AGBL4: variants seen among roughly 807,000 people sequenced by gnomAD.
AGBL4 encodes AGBL carboxypeptidase 4, also known as cytosolic carboxypeptidase 6.
Under a neutral mutation model 66.4 loss-of-function variants are expected in AGBL4, and 58 were observed. That is an observed-to-expected ratio of 0.87 (90% CI 0.71 to 1.09). AGBL4 has a LOEUF of 1.09. Among genes scored for constraint, AGBL4 ranks in the 50% least tolerant of loss-of-function variants. The pLI, the probability that AGBL4 is intolerant of heterozygous loss-of-function variation, is 0.00. For missense variants in AGBL4, 579 were observed against 631.0 expected (o/e 0.92, Z 0.88); for synonymous variants, 234 against 222.9 (o/e 1.05, Z -0.44).
intron 6 of AGBL4, among the ~76,000 whole-genome samples, chr1:48,854,576 C>T (rs980928966): frequency 6.6e-6 from 1 of 152,176 alleles, no homozygotes; most frequent in East Asian, 1.9e-4. Flanking sequence ...GAGATAGTCA[C>T]TGCAAAATTT....
At chr1:49,533,579 T>G (rs1025634816) in intron 3 of AGBL4, among the ~76,000 whole-genome samples, 1 of 152,170 alleles carries the variant, frequency 6.6e-6, no homozygotes, top group Non-Finnish European at 1.5e-5. Flanking sequence ...TCTGGATTAT[T>G]ATGCCAAGGT....
intron 2 of AGBL4, among the ~76,000 whole-genome samples, chr1:49,735,307 G>A (rs1198545053): frequency 6.7e-6 from 1 of 149,812 alleles, no homozygotes; most frequent in Non-Finnish European, 1.5e-5. Flanking sequence ...GTGTGTGTGT[G>A]TGTGTGTGTG....
intron 2 of AGBL4, among the ~76,000 whole-genome samples, chr1:49,727,735 C>G (rs115010059): frequency 5.3e-5 from 8 of 152,190 alleles, no homozygotes; most frequent in Admixed American, 1.3e-4. Flanking sequence ...TGCTCATTAA[C>G]AGAAAATTTG....
In AGBL4 at chr1:48,736,983, T is replaced by A. The variant is rs1649161499; in HGVS notation, c.635-73742A>T. 2.0e-5 allele frequency among the ~76,000 whole-genome samples: 3 copies of A among 152,072 alleles called. No individual in the cohort carries two copies. Among genetic ancestry groups the A allele is most frequent in the Admixed American group, 2.0e-4 (3 of 15,272 alleles). On this transcript the variant is annotated intron_variant, in intron 6 of 13. Coordinates refer to ENST00000371839, the MANE Select transcript of AGBL4 (RefSeq NM_032785.4). The surrounding 1 kb of genome is among the most constrained non-coding windows in gnomAD (Gnocchi z 4.0). Reference sequence around the variant, plus strand: ...TGCACACAGGGGTCACCTAGGGAGCTGTAAAAATCACCAGTGACAGCCAGG... The same window carrying A: ...TGCACACAGGGGTCACCTAGGGAGCAGTAAAAATCACCAGTGACAGCCAGG...
intron 5 of AGBL4, among the ~76,000 whole-genome samples, chr1:48,911,324 T>C (rs1245757092): frequency 6.6e-6 from 1 of 152,046 alleles, no homozygotes; most frequent in Non-Finnish European, 1.5e-5. Context: ...AAATTAGAAA[T>C]CATAAGGACC....
intron 6 of AGBL4, among the ~76,000 whole-genome samples, chr1:48,730,875 CA>C (rs1648012262): frequency 6.6e-6 from 1 of 152,180 alleles, no homozygotes; most frequent in Admixed American, 6.5e-5. Context: ...AGACACTCCA[CA>C]AAAGGTCATT....
intron 11 of AGBL4, among the ~76,000 whole-genome samples, chr1:48,562,910 C>G (rs984190549): frequency 6.6e-6 from 1 of 152,138 alleles, no homozygotes; most frequent in Non-Finnish European, 1.5e-5. Context: ...CCTGGTTGTT[C>G]AGGGTTATGG....
intron 6 of AGBL4, among the ~76,000 whole-genome samples, chr1:48,745,464 A>G (rs4926750): frequency 0.65 from 98,909 of 151,954 alleles, 33,628 homozygotes; most frequent in Non-Finnish European, 0.77. Flanking sequence ...CAGGGGTTGA[A>G]AGAGTCACCT....
chr1:48,589,591 A>G (rs1366628510), intron 10 of AGBL4, among the ~76,000 whole-genome samples: 2 of 152,088 alleles, frequency 1.3e-5, no homozygotes, highest in Non-Finnish European at 2.9e-5. Flanking sequence ...TGCTTTTGCT[A>G]TGAGTTTTTC....
chr1:49,601,688 A>G (rs1291756023), intron 3 of AGBL4, among the ~76,000 whole-genome samples: 1 of 152,232 alleles, frequency 6.6e-6, no homozygotes, highest in Non-Finnish European at 1.5e-5. Flanking sequence ...CCTACACCTT[A>G]TGCAAAAATT....
At chr1:49,554,874 C>G (rs1653285140) in intron 3 of AGBL4, among the ~76,000 whole-genome samples, 1 of 151,970 alleles carries the variant, frequency 6.6e-6, no homozygotes, top group Admixed American at 6.6e-5. Flanking sequence ...GGCGGCGCGT[C>G]TGGAGTTGTT....
chr1:49,401,920 C>A (rs1317093202), intron 3 of AGBL4, among the ~76,000 whole-genome samples: 1 of 151,996 alleles, frequency 6.6e-6, no homozygotes, highest in African/African-American at 2.4e-5. Flanking sequence ...GGTTTTGTGT[C>A]TAGGAATTTA....
intron 5 of AGBL4, among the ~76,000 whole-genome samples, chr1:48,991,703 A>G (rs1479877836): frequency 2.6e-5 from 4 of 151,598 alleles, no homozygotes; most frequent in Admixed American, 2.6e-4. Context: ...CTGACTGTGT[A>G]TTTTCAAATA....
chr1:49,383,147 G>A (rs1644658867), intron 3 of AGBL4, among the ~76,000 whole-genome samples: 1 of 152,228 alleles, frequency 6.6e-6, no homozygotes, highest in South Asian at 2.1e-4. Flanking sequence ...AGAAATTAAA[G>A]ATGAAAAATG....
At chr1:48,867,124 G>T (rs1648175303) in intron 6 of AGBL4, 67 bp downstream of exon 6, 3 of 1,543,366 alleles carry the variant, frequency 1.9e-6, no homozygotes, top group Admixed American at 3.5e-5. Flanking sequence ...ATTGCATTTG[G>T]ATAGGCAACA....
chr1:49,609,342 A>G (rs1193609228), intron 3 of AGBL4, among the ~76,000 whole-genome samples: 1 of 152,178 alleles, frequency 6.6e-6, no homozygotes, highest in Non-Finnish European at 1.5e-5. Flanking sequence ...CCAACAAATA[A>G]TTAAGAGAGA....
intron 3 of AGBL4, among the ~76,000 whole-genome samples, chr1:49,600,673 G>T (rs76804039): frequency 1.3e-5 from 2 of 152,134 alleles, no homozygotes; most frequent in Non-Finnish European, 2.9e-5. Flanking sequence ...TGGTTATTTT[G>T]CCTGTTAGTT....
At chr1:49,412,594 CAAAACAAACA>C (rs1645340028) in intron 3 of AGBL4, among the ~76,000 whole-genome samples, 1 of 152,074 alleles carries the variant, frequency 6.6e-6, no homozygotes, top group African/African-American at 2.4e-5. Flanking sequence ...ACATTCTCCA[CAAAACAAACA>C]AAAACAAACA....
chr1:48,634,687 C>T, intron 8 of AGBL4, 83 bp from the exon 9 acceptor site: 1 of 903,750 alleles, frequency 1.1e-6, no homozygotes, highest in Non-Finnish European at 1.7e-6. Context: ...TGAGTAGGAG[C>T]AGTGATTATG....
Sources: allele counts gnomAD v4.1 joint callset (sites outside exome capture counted in the v4.1 genomes callset), GRCh38; gene constraint gnomAD v4.1.1; non-coding constraint Gnocchi (gnomAD v3.1); transcripts MANE v1.5; gene names NCBI Gene and HGNC (gene_info 2026-07-23, HGNC 2026-07-21).